Variants in GRIK4 observed in about 807,000 individuals in gnomAD.
GRIK4 encodes glutamate ionotropic receptor kainate type subunit 4.
A neutral mutation model predicts 104.9 loss-of-function variants in GRIK4; 40 were observed. The observed-to-expected ratio is 0.38, with a 90% CI of 0.30 to 0.50. The LOEUF (loss-of-function observed/expected upper bound fraction) is 0.50, where lower values mean the gene tolerates loss of function less well. GRIK4 is among the 20% of genes least tolerant of loss of function. The pLI is 0.93. For missense variants in GRIK4, 1,047 were observed against 1,308.1 expected, an observed-to-expected ratio of 0.80 and a Z score of 3.08; for synonymous variants, 485 against 524.9, an observed-to-expected ratio of 0.92 and a Z score of 1.04.
chr11:120,917,275 A>C (rs1943129697), intron 13 of GRIK4, among the ~76,000 whole-genome samples: 1 of 146,314 alleles, frequency 6.8e-6, no homozygotes, highest in African/African-American at 2.6e-5. Flanking sequence ...AAAAAAAAGA[A>C]AGAAAGAAAG....
chr11:120,830,204 G>A (rs1227862302), intron 6 of GRIK4, among the ~76,000 whole-genome samples: 2 of 146,674 alleles, frequency 1.4e-5, no homozygotes, highest in African/African-American at 5.1e-5. Flanking sequence ...AAAAAAAAAA[G>A]CACAGACACA....
At chr11:120,596,679 G>A (rs1948805740) in intron 1 of GRIK4, among the ~76,000 whole-genome samples, 2 of 152,042 alleles carry the variant, frequency 1.3e-5, no homozygotes, top group South Asian at 4.2e-4. Flanking sequence ...TATGTGTAGG[G>A]AAAATGAGGG....
intron 3 of GRIK4, 60 bp from the exon 4 acceptor site, chr11:120,802,633 G>A (rs1402144192): frequency 7.0e-7 from 1 of 1,431,860 alleles, no homozygotes; most frequent in Non-Finnish European, 9.8e-7. Flanking sequence ...GGCTGGAGAA[G>A]GAGGAGGGTA....
intron 8 of GRIK4, among the ~76,000 whole-genome samples, chr11:120,854,335 AACAC>A (rs1270580375): frequency 6.6e-6 from 1 of 152,186 alleles, no homozygotes; most frequent in Non-Finnish European, 1.5e-5. Context: ...AAGGATTTTA[AACAC>A]CACTGTTAGG....
At chr11:120,780,723 T>G (rs1255336794) in intron 3 of GRIK4, among the ~76,000 whole-genome samples, 1 of 152,096 alleles carries the variant, frequency 6.6e-6, no homozygotes, top group Non-Finnish European at 1.5e-5. Flanking sequence ...TTTTTTTGTT[T>G]GTTTGTTTGT....
chr11:120,935,017 G>A (rs1197878015), intron 13 of GRIK4, among the ~76,000 whole-genome samples: 2 of 152,132 alleles, frequency 1.3e-5, no homozygotes, highest in Admixed American at 6.5e-5. Context: ...CTTCACTGAC[G>A]AGTCTGGTCA....
intron 3 of GRIK4, among the ~76,000 whole-genome samples, chr11:120,738,850 C>G (rs1951274179): frequency 6.6e-6 from 1 of 152,184 alleles, no homozygotes; most frequent in South Asian, 2.1e-4. Flanking sequence ...CATTTCTCAT[C>G]CTGGTGAGAT....
chr11:120,516,392 T>C (rs1265452796), intron 1 of GRIK4, among the ~76,000 whole-genome samples: 2 of 151,994 alleles, frequency 1.3e-5, no homozygotes, highest in Non-Finnish European at 2.9e-5. Flanking sequence ...GGAGAGAGGA[T>C]GATCTGAGGA....
chr11:120,802,931 A>G (rs1417297602), intron 4 of GRIK4, 74 bp downstream of exon 4: 3 of 1,275,852 alleles, frequency 2.4e-6, no homozygotes, highest in Non-Finnish European at 3.4e-6. Flanking sequence ...AGCTGCACCT[A>G]TCAGTCACCA....
At chr11:120,802,652 G>C in intron 3 of GRIK4, 41 bp from the exon 4 acceptor site, 1 of 1,555,764 alleles carries the variant, frequency 6.4e-7, no homozygotes. Context: ...TAACAGTAGC[G>C]GTGGAGTACC....
chr11:120,586,627 G>A (rs1206562695), intron 1 of GRIK4, among the ~76,000 whole-genome samples: 2 of 152,168 alleles, frequency 1.3e-5, no homozygotes, highest in Non-Finnish European at 2.9e-5. Flanking sequence ...TGTGGACTCA[G>A]CGGTGCTTGG....
intron 9 of GRIK4, 124 bp from the exon 10 acceptor site, chr11:120,873,942 C>G: frequency 1.2e-6 from 1 of 865,678 alleles, no homozygotes; most frequent in Non-Finnish European, 1.8e-6. Context: ...TGAAGATGCA[C>G]TCTTATTTCC....
intron 1 of GRIK4, among the ~76,000 whole-genome samples, chr11:120,593,140 G>A (rs998501710): frequency 1.4e-5 from 2 of 145,194 alleles, no homozygotes; most frequent in African/African-American, 2.6e-5. Context: ...CCAAGATCGC[G>A]CATTGCATTC....
intron 18 of GRIK4, among the ~76,000 whole-genome samples, chr11:120,963,726 C>T (rs891207830): frequency 2.0e-5 from 3 of 152,160 alleles, no homozygotes; most frequent in African/African-American, 4.8e-5. Context: ...TGGAGTGTAA[C>T]GAGCACGGGC....
intron 3 of GRIK4, among the ~76,000 whole-genome samples, chr11:120,792,011 A>T (rs1056436153): frequency 2.6e-5 from 4 of 152,106 alleles, no homozygotes; most frequent in African/African-American, 9.7e-5. Flanking sequence ...TGCATTGGGG[A>T]TGGGAAGAAT....
intron 3 of GRIK4, among the ~76,000 whole-genome samples, chr11:120,699,142 G>A (rs1229427677): frequency 1.3e-5 from 2 of 152,096 alleles, no homozygotes; most frequent in African/African-American, 2.4e-5. Flanking sequence ...GTTCATCACA[G>A]CTGCGTGTGA....
chr11:120,861,211 C>A (rs1002286574), intron 8 of GRIK4, among the ~76,000 whole-genome samples: 1 of 146,754 alleles, frequency 6.8e-6, no homozygotes, highest in Non-Finnish European at 1.5e-5. Flanking sequence ...TGGGTTCAAG[C>A]GATTCTCCTG....
chr11:120,862,463 C>T (rs947637866), intron 9 of GRIK4, among the ~76,000 whole-genome samples: 13 of 152,130 alleles, frequency 8.5e-5, no homozygotes, highest in African/African-American at 3.1e-4. Context: ...CTGATCTGCT[C>T]CCTCATTTTT....
chr11:120,985,321 C>T (rs1218488480), intron 20 of GRIK4, among the ~76,000 whole-genome samples: 2 of 152,128 alleles, frequency 1.3e-5, no homozygotes, highest in African/African-American at 4.8e-5. Context: ...CCAGACCCAC[C>T]GGGTGTGATA....
Sources: gnomAD v4.1 joint callset for allele counts (sites outside exome capture counted in the v4.1 genomes callset) on GRCh38, gnomAD v4.1.1 for gene constraint, MANE v1.5 for transcripts, NCBI Gene and HGNC (gene_info 2026-07-23, HGNC 2026-07-21) for gene names.